The following EPHA3 variants were observed in gnomAD, a reference collection of about 807,000 sequenced individuals.
EPHA3 encodes EPH receptor A3.
Under a neutral mutation model 107.1 loss-of-function variants are expected in EPHA3, and 42 were observed. The observed-to-expected ratio is 0.39, with a 90% confidence interval of 0.31 to 0.51. The LOEUF is 0.51. Among genes scored for constraint, EPHA3 ranks in the 20% least tolerant of loss-of-function variants. The pLI, the probability that EPHA3 is intolerant of heterozygous loss-of-function variation, is 0.78. For synonymous variants in EPHA3, 461 were observed against 424.8 expected, an observed-to-expected ratio of 1.09 and a Z score of -1.05; for missense variants, 1,183 against 1,211.2, an observed-to-expected ratio of 0.98 and a Z score of 0.35.
At chr3:89,295,950 G>A (rs959361575) in intron 3 of EPHA3, among the ~76,000 whole-genome samples, 2 of 152,110 alleles carry the variant, frequency 1.3e-5, no homozygotes, top group African/African-American at 4.8e-5. Context: ...TTCATCTCAA[G>A]GAATAATGTT....
intron 3 of EPHA3, among the ~76,000 whole-genome samples, chr3:89,238,225 C>T (rs73146383): frequency 7.9e-5 from 12 of 152,148 alleles, no homozygotes; most frequent in East Asian, 1.9e-4. Context: ...GAGGTAATTA[C>T]GCAGTATGGG....
chr3:89,272,899 G>A (rs1367165741), intron 3 of EPHA3, among the ~76,000 whole-genome samples: 2 of 151,814 alleles, frequency 1.3e-5, no homozygotes, highest in Non-Finnish European at 2.9e-5. Flanking sequence ...TTCTCTGATG[G>A]TCACTGTAAA....
At chr3:89,345,650 T>C (rs1313843946) in intron 5 of EPHA3, among the ~76,000 whole-genome samples, 1 of 147,696 alleles carries the variant, frequency 6.8e-6, no homozygotes, top group Admixed American at 6.8e-5. Flanking sequence ...AGTTTTAGGG[T>C]ACATGTGCAC....
intron 3 of EPHA3, among the ~76,000 whole-genome samples, chr3:89,302,120 G>A (rs1403560853): frequency 6.6e-6 from 1 of 152,064 alleles, no homozygotes; most frequent in African/African-American, 2.4e-5. Flanking sequence ...TATGTTAGAG[G>A]ATGGCATAGT....
chr3:89,211,720 T>C (rs1304361331), intron 3 of EPHA3, among the ~76,000 whole-genome samples: 14 of 135,300 alleles, frequency 1.0e-4, no homozygotes, highest in South Asian at 7.5e-4. Flanking sequence ...CTTCCTCTTC[T>C]TCTTTTTCTT....
chr3:89,221,286 A>G (rs1197173299), intron 3 of EPHA3, among the ~76,000 whole-genome samples: 1 of 152,132 alleles, frequency 6.6e-6, no homozygotes, highest in Non-Finnish European at 1.5e-5. Context: ...TCTGACTCCA[A>G]GGGTGGGAGT....
intron 3 of EPHA3, among the ~76,000 whole-genome samples, chr3:89,280,952 C>G (rs1489920971): frequency 6.6e-6 from 1 of 151,812 alleles, no homozygotes; most frequent in Admixed American, 6.6e-5. Flanking sequence ...TTACTAAATA[C>G]CATCCATGGT....
At chr3:89,359,909 TTTA>T (rs1404975849) in intron 5 of EPHA3, among the ~76,000 whole-genome samples, 1 of 148,862 alleles carries the variant, frequency 6.7e-6, no homozygotes, top group African/African-American at 2.4e-5. Context: ...AATCAGAATA[TTTA>T]TTATTTAAAC....
intron 5 of EPHA3, among the ~76,000 whole-genome samples, chr3:89,371,400 G>T (rs1230823511): frequency 6.6e-6 from 1 of 151,666 alleles, no homozygotes; most frequent in African/African-American, 2.4e-5. Flanking sequence ...TACCTATTGT[G>T]CAGGAATCTT....
chr3:89,303,633 TA>T (rs1263152472), intron 3 of EPHA3, among the ~76,000 whole-genome samples: 1 of 152,124 alleles, frequency 6.6e-6, no homozygotes, highest in African/African-American at 2.4e-5. Context: ...TAGTCCACAT[TA>T]AAAAATTGAT....
intron 6 of EPHA3, among the ~76,000 whole-genome samples, chr3:89,397,510 C>T (rs1227790105): frequency 6.6e-6 from 1 of 151,904 alleles, no homozygotes; most frequent in Non-Finnish European, 1.5e-5. Flanking sequence ...TACATCTGCA[C>T]CTTTCACAAA....
Position 89,407,299 on chromosome 3 carries a change from T to C in EPHA3, c.1625T>C (p.Val542Ala), listed in dbSNP as rs780337925. 19 of 1,613,582 alleles carry C rather than the reference T, an allele frequency of 1.2e-5. No homozygotes were observed. In the South Asian group the frequency reaches 1.9e-4, roughly 16 times the overall value. ...SFSISGESSQ[V>A]VMIAISAAVA... ...TCCATCTCTGGTGAAAGTAGCCAAG[T>C]GGTCATGATCGCCATTTCAGCGGCA... Residue 542 changes from valine to alanine, a missense_variant, in exon 8 of 17, where the codon GTG becomes GCG. Coordinates refer to ENST00000336596, the MANE Select transcript of EPHA3 (RefSeq NM_005233.6).
At chr3:89,224,941 G>T (rs954757185) in intron 3 of EPHA3, among the ~76,000 whole-genome samples, 1 of 151,824 alleles carries the variant, frequency 6.6e-6, no homozygotes, top group African/African-American at 2.4e-5. Flanking sequence ...AAATATAGAC[G>T]GGAAAGGTTA....
intron 16 of EPHA3, among the ~76,000 whole-genome samples, chr3:89,476,866 C>T (rs147610169): frequency 0.038 from 5,744 of 151,912 alleles, 364 homozygotes; most frequent in African/African-American, 0.13. Flanking sequence ...CCTCGGCCTC[C>T]CAAAGTGCTG....
intron 2 of EPHA3, among the ~76,000 whole-genome samples, chr3:89,142,952 T>C (rs1272324379): frequency 6.6e-6 from 1 of 151,372 alleles, no homozygotes; most frequent in East Asian, 1.9e-4. Context: ...TGTAACATGT[T>C]TAACAATAGA....
chr3:89,218,599 G>A (rs539908375), intron 3 of EPHA3, among the ~76,000 whole-genome samples: 2 of 151,884 alleles, frequency 1.3e-5, no homozygotes, highest in African/African-American at 4.8e-5. Context: ...ATAAACATAC[G>A]TTTGCATGTG....
intron 9 of EPHA3, among the ~76,000 whole-genome samples, chr3:89,411,784 G>GT (rs1709158025): frequency 6.6e-6 from 1 of 151,846 alleles, no homozygotes; most frequent in East Asian, 1.9e-4. Flanking sequence ...GGCATCTGCA[G>GT]TCTCCACAAC....
chr3:89,355,166 GCTT>G (rs756511970), intron 5 of EPHA3, among the ~76,000 whole-genome samples: 1 of 150,718 alleles, frequency 6.6e-6, no homozygotes, highest in African/African-American at 2.4e-5. Context: ...CTAGGAAATA[GCTT>G]TAAAGGCAAG....
At chr3:89,476,463 T>G (rs1010576930) in intron 16 of EPHA3, among the ~76,000 whole-genome samples, 1 of 148,332 alleles carries the variant, frequency 6.7e-6, no homozygotes, top group Admixed American at 6.8e-5. Flanking sequence ...ACTCAGTAAC[T>G]ATGCTTAAAT....
Sources: gnomAD v4.1 joint callset for allele counts (sites outside exome capture counted in the v4.1 genomes callset) on GRCh38, gnomAD v4.1.1 for gene constraint, MANE v1.5 for transcripts, NCBI Gene and HGNC (gene_info 2026-07-23, HGNC 2026-07-21) for gene names.